WDR45: variants seen among roughly 807,000 people sequenced by gnomAD.
The protein encoded by WDR45 is WD repeat domain 45, also known as WD repeat domain phosphoinositide-interacting protein 4.
A neutral mutation model predicts 27.3 loss-of-function variants in WDR45; 2 were observed. The observed-to-expected ratio is 0.07, with a 90% CI of 0.03 to 0.23. The LOEUF is 0.23. WDR45 is among the 10% of genes least tolerant of loss of function. The probability of loss-of-function intolerance (pLI) is 1.00; values close to 1 mark genes in which losing one functional copy is unlikely to be tolerated. For synonymous variants in WDR45, 99 were observed against 119.2 expected (o/e 0.83, Z 1.11); for missense variants, 175 against 311.9 (o/e 0.56, Z 3.31).
intron 2 of WDR45, among the ~76,000 whole-genome samples, chrX:49,093,860 G>A: frequency 9.3e-6 from 1 of 107,286 alleles, no homozygotes; most frequent in South Asian, 4.2e-4. Flanking sequence ...TTTTTTTTCT[G>A]AGATGGAGTC....
chrX:49,083,885 T>C (rs1458839273), upstream of WDR45, among the ~76,000 whole-genome samples: 2 of 95,385 alleles, frequency 2.1e-5, no homozygotes. Flanking sequence ...AGGCGGAGGT[T>C]GCAGTGAGCT....
At chrX:49,085,964 A>G (rs1007770191) in intron 2 of WDR45, among the ~76,000 whole-genome samples, 27 of 112,619 alleles carry the variant, frequency 2.4e-4, no homozygotes, top group African/African-American at 8.7e-4. Context: ...AATTGTATCT[A>G]TATCTCAGAG....
intron 2 of WDR45, among the ~76,000 whole-genome samples, chrX:49,096,239 C>G (rs1389256054): frequency 9.0e-6 from 1 of 111,088 alleles, no homozygotes; most frequent in Non-Finnish European, 1.9e-5. Context: ...TTATCTCTCT[C>G]TCTCTCTTTT....
chrX:49,097,085 G>A (rs1490810275), intron 2 of WDR45, among the ~76,000 whole-genome samples: 1 of 105,098 alleles, frequency 9.5e-6, no homozygotes, highest in Admixed American at 1.1e-4. Context: ...GACTTAAAAG[G>A]CAAGCTATAT....
At chrX:49,077,550 C>T (rs2065044709) in intron 4 of WDR45, 93 bp downstream of exon 4, 1 of 789,643 alleles carries the variant, frequency 1.3e-6, no homozygotes, top group African/African-American at 2.0e-5. Flanking sequence ...CTCTGAAGTA[C>T]TCTGACGTCT....
intron 5 of WDR45, 55 bp from the exon 6 acceptor site, chrX:49,076,579 G>A (rs782511044): frequency 1.8e-5 from 22 of 1,200,064 alleles, no homozygotes; most frequent in Admixed American, 2.2e-5. Flanking sequence ...GATGCCCAGG[G>A]AGGACTATCC....
chrX:49,094,326 A>T (rs907459197), intron 2 of WDR45, among the ~76,000 whole-genome samples: 3 of 110,837 alleles, frequency 2.7e-5, no homozygotes, highest in African/African-American at 9.8e-5. Context: ...AAAATTAGCC[A>T]TGCGTGGTGG....
At chrX:49,080,920 G>T (rs2065064111), upstream of WDR45, among the ~76,000 whole-genome samples, 4 of 61,294 alleles carry the variant, frequency 6.5e-5, no homozygotes, top group South Asian at 9.3e-4. Flanking sequence ...TTGATTAACA[G>T]AGTTTGGCTC....
intron 2 of WDR45, among the ~76,000 whole-genome samples, chrX:49,089,503 T>C (rs2065097237): frequency 9.1e-6 from 1 of 109,851 alleles, no homozygotes; most frequent in Admixed American, 9.8e-5. Flanking sequence ...CAAGCGATTC[T>C]TGTGCCTCTG....
Position 49,078,087 on chromosome X carries a change from T to C in WDR45, c.9A>G (p.Gln3=). ...GGCTGGTCACTCCTCGAAGTGGCTG[T>C]TGAGTCATGGTGCAGGATTGTTCCT... MT[Q]QPLRGVTSLR... Residue 3 remains glutamine, a synonymous_variant, in exon 2 of 11, where the codon CAA becomes CAG. Transcript: ENST00000376372. The C allele has an allele frequency of 8.3e-7, 1 of 1,211,832 alleles. No individual in the cohort carries two copies. The highest frequency in any genetic ancestry group is 1.8e-5 in the South Asian group (1 of 57,030).
chrX:49,077,603 C>G, intron 4 of WDR45, 40 bp downstream of exon 4: 1 of 1,143,824 alleles, frequency 8.7e-7, no homozygotes, highest in African/African-American at 1.8e-5. Context: ...GGCCAGGAAT[C>G]CGAGAAATCT....
At chrX:49,075,013 C>T in intron 10 of WDR45, 101 bp from the exon 11 acceptor site, 1 of 1,129,318 alleles carries the variant, frequency 8.9e-7, no homozygotes, top group Non-Finnish European at 1.2e-6. Context: ...AGGCCTTTGC[C>T]CAGTGCTGTC....
At chrX:49,076,371 G>T in intron 6 of WDR45, 59 bp downstream of exon 6, 1 of 1,118,745 alleles carries the variant, frequency 8.9e-7, no homozygotes, top group Non-Finnish European at 1.2e-6. Context: ...CCTCATCTCT[G>T]CCCCTCTGCC....
intron 1 of WDR45, chrX:49,079,464 C>T (rs1458626575): frequency 9.0e-6 from 1 of 110,757 alleles, no homozygotes; most frequent in Non-Finnish European, 1.9e-5. Context: ...AGACATACTC[C>T]CTCCCCCATC....
chrX:49,084,881 C>A (rs919842101), upstream of WDR45, among the ~76,000 whole-genome samples: 7 of 111,216 alleles, frequency 6.3e-5, no homozygotes, highest in African/African-American at 2.3e-4. Context: ...GTAATCTGCC[C>A]GCCTCGGCCT....
intron 2 of WDR45, among the ~76,000 whole-genome samples, chrX:49,085,795 T>TGGGCCCAGGTGGCCAAGATTGCA (rs200468067): frequency 9.0e-6 from 1 of 110,686 alleles, no homozygotes. Context: ...GAGGATTGCT[T>TGGGCCCAGGTGGCCAAGATTGCA]GTGAGCCATG....
chrX:49,078,062 G>A lies in WDR45; in HGVS notation c.34C>T (p.Leu12=), dbSNP rs781858943. 5 of 1,212,156 alleles carry A rather than the reference G, an allele frequency of 4.1e-6. No homozygotes were observed. The Admixed American group carries it at 6.5e-5, about 16-fold the overall frequency. ...TQQPLRGVTS[L]RFNQDQSCFC... ...TCACTTTGGTCTTGGTTGAAACGCA[G>A]GCTGGTCACTCCTCGAAGTGGCTGT... is the stretch of plus-strand genomic sequence containing the variant. Residue 12 remains leucine (L), a synonymous_variant, in exon 2 of 11, where the codon CTG becomes TTG. Transcript: ENST00000376372.
upstream of WDR45, chrX:49,101,149 T>C (rs41298464): frequency 0.011 from 1,243 of 111,987 alleles, 24 homozygotes; most frequent in Non-Finnish European, 0.019. Flanking sequence ...AAGCACGACT[T>C]TCCCGGAGCC....
chrX:49,076,628 G>A lies in WDR45; in HGVS notation c.341+17C>T. On this transcript the variant is annotated intron_variant, in intron 5 of 10. Transcript: ENST00000376372. ...TGGGGACCTCCTACCTCCCACCCCG[G>A]TCCTCCTCAGGCTCACTTGTCATGG... 1 of 1,206,828 alleles carries A rather than the reference G, an allele frequency of 8.3e-7. No individual in the cohort carries two copies. Among genetic ancestry groups the A allele is most frequent in the Non-Finnish European group, 1.1e-6 (1 of 891,655 alleles).
Sources: gnomAD v4.1 joint callset for allele counts (sites outside exome capture counted in the v4.1 genomes callset) on GRCh38, gnomAD v4.1.1 for gene constraint, MANE v1.5 for transcripts, NCBI Gene and HGNC (gene_info 2026-07-23, HGNC 2026-07-21) for gene names.